FBXL5: variants seen among roughly 807,000 people sequenced by gnomAD.
The protein encoded by FBXL5 is F-box/LRR-repeat protein 5.
A neutral mutation model predicts 78.3 loss-of-function variants in FBXL5; 26 were observed. The observed-to-expected ratio is 0.33, with a 90% CI of 0.24 to 0.46. The LOEUF (loss-of-function observed/expected upper bound fraction) is 0.46. Ranked by LOEUF, FBXL5 falls within the 20% of genes least tolerant of loss-of-function variation. The pLI, the probability that FBXL5 is intolerant of heterozygous loss-of-function variation, is 1.00. For synonymous variants in FBXL5, 295 were observed against 282.5 expected, an observed-to-expected ratio of 1.04 and a Z score of -0.45; for missense variants, 710 against 829.2, an observed-to-expected ratio of 0.86 and a Z score of 1.77.
chr4:15,623,516 C>A (rs1216704074), intron 9 of FBXL5, among the ~76,000 whole-genome samples: 4 of 151,614 alleles, frequency 2.6e-5, no homozygotes, highest in African/African-American at 9.7e-5. Context: ...AAAAAAATGA[C>A]AATGAAAAAT....
intron 6 of FBXL5, among the ~76,000 whole-genome samples, chr4:15,629,464 G>C (rs1040703305): frequency 6.6e-6 from 1 of 151,946 alleles, no homozygotes; most frequent in African/African-American, 2.4e-5. Context: ...ATTCTTCTTG[G>C]CATGTTTTCC....
intron 6 of FBXL5, among the ~76,000 whole-genome samples, chr4:15,629,337 A>C (rs1713389403): frequency 1.3e-5 from 2 of 152,166 alleles, no homozygotes; most frequent in Non-Finnish European, 2.9e-5. Context: ...TTCTAGAATG[A>C]ATAAACTGAG....
At chr4:15,656,385 A>G (rs887522662), upstream of FBXL5, 9 of 433,556 alleles carry the variant, frequency 2.1e-5, no homozygotes, top group African/African-American at 1.8e-4. Flanking sequence ...AAGCCTGAGA[A>G]CCTTGGGAGG....
intron 9 of FBXL5, among the ~76,000 whole-genome samples, chr4:15,616,149 C>T (rs947091375): frequency 2.0e-5 from 3 of 152,180 alleles, no homozygotes; most frequent in Non-Finnish European, 4.4e-5. Flanking sequence ...ATGCAAGAAA[C>T]TCCGAACACA....
chr4:15,671,622 A>G (rs1304280615), intron 1 of FBXL5, among the ~76,000 whole-genome samples: 3 of 152,008 alleles, frequency 2.0e-5, no homozygotes, highest in Admixed American at 6.5e-5. Context: ...ATCTTCTTGA[A>G]TCTGTGGGTT....
In FBXL5 at chr4:15,625,835, T is replaced by A. The variant is rs780467814; in HGVS notation, c.1267A>T (p.Thr423Ser). 6.2e-7 allele frequency: 1 copy of A among 1,614,060 alleles called. No homozygotes were observed. The highest frequency in any genetic ancestry group is 8.5e-7 in the Non-Finnish European group (1 of 1,180,040). ...CACGCAGTTGAAGTAATTTTGCTTG[T>A]AGATGTTTTCAAAAAGCCACTTTGA... ...SHQSGFLKTS[T>S]SKITSTAWKN... The change falls in exon 9 of 11, where the codon ACA (threonine) becomes TCA (serine). Residue 423 changes from threonine to serine, a missense_variant. Around this residue, in one of 4 missense-constraint regions of FBXL5, gnomAD observed 517 missense variants for 542.9 expected, o/e 0.95. Transcript: ENST00000341285.
intron 4 of FBXL5, among the ~76,000 whole-genome samples, chr4:15,638,294 G>C (rs1714493335): frequency 6.6e-6 from 1 of 152,142 alleles, no homozygotes; most frequent in Non-Finnish European, 1.5e-5. Context: ...CACTGAATAT[G>C]TCCCAAGTAT....
intron 5 of FBXL5, among the ~76,000 whole-genome samples, chr4:15,635,761 G>GGA (rs1553851352): frequency 8.3e-6 from 1 of 120,628 alleles, no homozygotes; most frequent in Non-Finnish European, 1.7e-5. Flanking sequence ...CTCAAAAAAA[G>GGA]AAAAAAAAAA....
chr4:15,636,258 C>T lies in FBXL5; in HGVS notation c.766+236G>A, dbSNP rs370746106. On this transcript the variant is annotated intron_variant, in intron 5 of 10. Transcript: ENST00000341285. ...TCAATTTTGTCAATCTTTTTGCATCCCCTCCCACAAATATATTTTCCTAAT... is the reference window on the plus strand; with the variant it reads ...TCAATTTTGTCAATCTTTTTGCATCTCCTCCCACAAATATATTTTCCTAAT... 20 of 364,238 alleles carry T rather than the reference C, an allele frequency of 5.5e-5. 1 individual carries two copies. Among genetic ancestry groups the T allele is most frequent in the African/African-American group, 2.5e-4 (12 of 48,078 alleles). The allele number at this position is 364,238 out of a possible 1,614,324, so 22.6% of individuals were successfully genotyped here.
At chr4:15,646,886 T>C (rs888259039) in intron 1 of FBXL5, among the ~76,000 whole-genome samples, 1 of 151,808 alleles carries the variant, frequency 6.6e-6, no homozygotes, top group Non-Finnish European at 1.5e-5. Flanking sequence ...GTAAACACAG[T>C]CAGCCTCCGT....
intron 1 of FBXL5, among the ~76,000 whole-genome samples, chr4:15,667,053 T>C (rs1392360552): frequency 6.6e-6 from 1 of 152,232 alleles, no homozygotes; most frequent in Non-Finnish European, 1.5e-5. Flanking sequence ...TCTAGTTTAA[T>C]GTAAACATTA....
intron 5 of FBXL5, among the ~76,000 whole-genome samples, chr4:15,634,195 T>C (rs76466051): frequency 1.3e-5 from 2 of 152,168 alleles, no homozygotes; most frequent in Non-Finnish European, 2.9e-5. Context: ...ATTTTTTTTT[T>C]CTTTTTAAGA....
Position 15,638,498 on chromosome 4 carries a change from T to C in FBXL5, c.583+10A>G, listed in dbSNP as rs1714511433. On this transcript the variant is annotated intron_variant, in intron 4 of 10. Coordinates refer to ENST00000341285, the MANE Select transcript of FBXL5 (RefSeq NM_012161.4). ...ACTAATAAATTGTTCTTTATATATATGAATCTCACCTTTATCTGACTTTTC... is the reference window on the plus strand; with the variant it reads ...ACTAATAAATTGTTCTTTATATATACGAATCTCACCTTTATCTGACTTTTC... 12 of 1,560,134 alleles carry C rather than the reference T, an allele frequency of 7.7e-6. No individual in the cohort carries two copies. The highest frequency in any genetic ancestry group is 1.0e-5 in the Non-Finnish European group (12 of 1,161,324).
rs1712613856 is a variant in FBXL5, at chr4:15,622,769, G to T, written c.1850+2483C>A. The stretch of plus-strand genomic sequence containing the variant: ...CTTCAAGATAAGGTTTAATTAAAAT[G>T]AGGGAATCTGCACTCAGACAAGACT... On this transcript the variant is annotated intron_variant, in intron 9 of 10. Transcript: ENST00000341285. Among the ~76,000 whole-genome samples the T allele has an allele frequency of 3.3e-5, 5 of 152,294 alleles. No individual in the cohort carries two copies. In the South Asian group the frequency reaches 1.0e-3, roughly 32 times the overall value.
At chr4:15,630,509 CATT>C (rs1041683541) in intron 6 of FBXL5, among the ~76,000 whole-genome samples, 154 bp downstream of exon 6, 3 of 151,954 alleles carry the variant, frequency 2.0e-5, no homozygotes, top group African/African-American at 4.8e-5. Context: ...TTTAAAATTT[CATT>C]ATTATTCCTT....
intron 1 of FBXL5, among the ~76,000 whole-genome samples, chr4:15,678,185 A>G (rs1024533968): frequency 1.3e-5 from 2 of 152,214 alleles, no homozygotes; most frequent in Admixed American, 1.3e-4. Context: ...GGGACAAGTC[A>G]TTATTCATAG....
rs1199188612 is a variant in FBXL5 at position 15,604,980 on chromosome 4, A to G, written c.*743T>C. The G allele has an allele frequency of 4.6e-5, 7 of 152,350 alleles. No homozygotes were observed. The highest frequency in any genetic ancestry group is 1.4e-4 in the African/African-American group (6 of 41,466). 9.4% of individuals were successfully genotyped at this position (152,350 alleles called of 1,614,324 possible). On this transcript the variant is annotated 3_prime_UTR_variant, in exon 11 of 11. Coordinates refer to ENST00000341285, the MANE Select transcript of FBXL5 (RefSeq NM_012161.4). ...CTAAAGTAAACCTGGATTGAGATTTATAATAAAAATCACAACACAACAGTA... is the reference window on the plus strand; with the variant it reads ...CTAAAGTAAACCTGGATTGAGATTTGTAATAAAAATCACAACACAACAGTA...
chr4:15,623,926 C>A (rs1003935993), intron 9 of FBXL5, among the ~76,000 whole-genome samples: 2 of 151,886 alleles, frequency 1.3e-5, no homozygotes, highest in African/African-American at 2.4e-5. Context: ...GGGTTCACAC[C>A]ATTCTCCTGC....
chr4:15,620,546 A>T (rs932135199), intron 9 of FBXL5, among the ~76,000 whole-genome samples: 3 of 152,270 alleles, frequency 2.0e-5, no homozygotes, highest in African/African-American at 7.2e-5. Context: ...AAACTACAAT[A>T]ATCAAAACAG....
Sources: gnomAD v4.1 joint callset for allele counts (sites outside exome capture counted in the v4.1 genomes callset) on GRCh38, gnomAD v4.1.1 for gene constraint, gnomAD v4.1.1 regional missense constraint, MANE v1.5 for transcripts, NCBI Gene and HGNC (gene_info 2026-07-23, HGNC 2026-07-21) for gene names.